SARAF: variants seen among roughly 807,000 people sequenced by gnomAD.
The protein encoded by SARAF is store-operated calcium entry associated regulatory factor.
In SARAF, 23 loss-of-function variants were observed where a neutral mutation model predicts 39.7. The ratio of observed to expected loss-of-function variants is 0.58; its 90% CI spans 0.42 to 0.82. SARAF has a LOEUF of 0.82. Among genes scored for constraint, SARAF ranks in the 40% least tolerant of loss-of-function variants. The pLI is 0.00. For missense variants in SARAF, 384 were observed against 418.5 expected (o/e 0.92, Z 0.72); for synonymous variants, 175 against 168.5 (o/e 1.04, Z -0.30).
chr8:30,066,260 T>C, intron 4 of SARAF, 121 bp from the exon 5 acceptor site: 2 of 1,038,826 alleles, frequency 1.9e-6, no homozygotes, highest in Non-Finnish European at 2.8e-6. Flanking sequence ...CTGAATGTTC[T>C]GGTATATCAG....
intron 3 of SARAF, among the ~76,000 whole-genome samples, chr8:30,069,367 C>A (rs1489277853): frequency 6.6e-6 from 1 of 151,854 alleles, no homozygotes; most frequent in Non-Finnish European, 1.5e-5. Flanking sequence ...CTCAAACTCC[C>A]AACCTCAAGT....
rs1585430039 is a variant in SARAF, at chr8:30,063,644, A to T, written c.*244T>A. 2 of 541,836 alleles carry T rather than the reference A, an allele frequency of 3.7e-6. No homozygotes were observed. Among genetic ancestry groups the T allele is most frequent in the Non-Finnish European group, 6.5e-6 (2 of 307,112 alleles). 33.6% of individuals were successfully genotyped at this position (541,836 alleles called of 1,614,324 possible). ...GTATTTTTAGCATTCCACAGTAATGATCACTTTCAAAAACTGCAATATACA... is the reference window on the plus strand; with the variant it reads ...GTATTTTTAGCATTCCACAGTAATGTTCACTTTCAAAAACTGCAATATACA... On this transcript the variant is annotated 3_prime_UTR_variant, in exon 6 of 6. Transcript: ENST00000256255.
chr8:30,074,536 T>C (rs1041493656), intron 1 of SARAF, among the ~76,000 whole-genome samples: 2 of 152,188 alleles, frequency 1.3e-5, no homozygotes, highest in South Asian at 2.1e-4. Flanking sequence ...ACTAGATAGA[T>C]GGCAAAAACA....
At position 30,066,008 on chromosome 8, in the gene SARAF, G is replaced by A. The variant is rs781161430; in HGVS notation, c.974C>T (p.Thr325Met). 22 of 1,613,908 alleles carry A rather than the reference G, an allele frequency of 1.4e-5. No individual in the cohort carries two copies. Among genetic ancestry groups the A allele is most frequent in the East Asian group, 2.2e-5 (1 of 44,872 alleles). ...GSYSVCSNSD[T>M]KTRTASGYGG... is the part of the protein sequence containing the mutation. Reference sequence around the variant, plus strand: ...CTTACCTGATGCAGTTCTGGTTTTCGTGTCTGAGTTTGAACATACCGAATA... The same window carrying A: ...CTTACCTGATGCAGTTCTGGTTTTCATGTCTGAGTTTGAACATACCGAATA... The change falls in exon 5 of 6, where the codon ACG becomes ATG. Residue 325 changes from threonine to methionine, a missense_variant. By Grantham distance (81) the Thr-to-Met change is moderately conservative. Transcript: ENST00000256255.
intron 2 of SARAF, among the ~76,000 whole-genome samples, chr8:30,071,403 C>T (rs781121704): frequency 6.6e-6 from 1 of 152,110 alleles, no homozygotes; most frequent in Non-Finnish European, 1.5e-5. Context: ...GTTCTGTTGC[C>T]CTTCTGCAAA....
At position 30,063,902 on chromosome 8, in the gene SARAF, T is replaced by C; in HGVS notation, c.1006A>G (p.Thr336Ala). The change falls in exon 6 of 6, where the codon ACC (threonine) becomes GCC (alanine). Residue 336 changes from threonine to alanine, a missense_variant. Thr to Ala is a moderately conservative substitution (Grantham distance 58, BLOSUM62 0). Transcript: ENST00000256255. The stretch of plus-strand genomic sequence containing the variant: ...AACTTTCTACTTTATCGTCTCCTGG[T>C]ACCACCATATCCTAGAATGAGAGGG... ...KTRTASGYGG[T>A]RRR 1.2e-6 allele frequency: 2 copies of C among 1,612,810 alleles called. No homozygotes were observed. The highest frequency in any genetic ancestry group is 1.7e-6 in the Non-Finnish European group (2 of 1,179,328).
intron 5 of SARAF, 78 bp from the exon 6 acceptor site, chr8:30,063,991 G>A: frequency 7.8e-7 from 1 of 1,276,844 alleles, no homozygotes; most frequent in South Asian, 1.3e-5. Context: ...AGTCATACAT[G>A]TTTATTGTCA....
Position 30,082,645 on chromosome 8 carries a change from C to T in SARAF, c.103+202G>A, listed in dbSNP as rs975029272. On this transcript the variant is annotated intron_variant, in intron 1 of 5. Transcript: ENST00000256255. ...CTCCAGCCGTCCCGCCCCGCCCACTCGAGCAGTCCCTACCCGCCTCCCAAG... is the reference window on the plus strand; with the variant it reads ...CTCCAGCCGTCCCGCCCCGCCCACTTGAGCAGTCCCTACCCGCCTCCCAAG... The T allele has an allele frequency of 4.9e-5, 23 of 469,044 alleles. 1 individual carries two copies. The highest frequency in any genetic ancestry group is 7.6e-5 in the Non-Finnish European group (20 of 262,460). 29.1% of individuals were successfully genotyped at this position (469,044 alleles called of 1,614,324 possible).
chr8:30,065,901 G>T, intron 5 of SARAF, 87 bp downstream of exon 5: 1 of 1,486,218 alleles, frequency 6.7e-7, no homozygotes, highest in Non-Finnish European at 9.3e-7. Flanking sequence ...AACCATGGTT[G>T]CTAAACAGAT....
At position 30,066,098 on chromosome 8, in the gene SARAF, T is replaced by C. The variant is rs144739057; in HGVS notation, c.884A>G (p.Tyr295Cys). ...PFSDSWYYPS[Y>C]PPSYPGTWNR... ...CCACGTGCCAGGGTAGGAGGGAGGA[T>C]AGGACGGGTAGTACCACGAGTCTGA... is the stretch of plus-strand genomic sequence containing the variant. The change falls in exon 5 of 6, where the codon TAT becomes TGT. Residue 295 changes from tyrosine to cysteine, a missense_variant. By Grantham distance (194) the Tyr-to-Cys change is radical (BLOSUM62 -2). Coordinates refer to ENST00000256255, the MANE Select transcript of SARAF (RefSeq NM_016127.6). The C allele has an allele frequency of 4.2e-5, 67 of 1,613,962 alleles. No individual in the cohort carries two copies. The highest frequency in any genetic ancestry group is 5.6e-5 in the Non-Finnish European group (66 of 1,180,024).
chr8:30,080,244 A>G (rs1802067353), intron 1 of SARAF, among the ~76,000 whole-genome samples: 1 of 152,166 alleles, frequency 6.6e-6, no homozygotes, highest in South Asian at 2.1e-4. Context: ...TACAATATTA[A>G]AATAGATAGC....
chr8:30,080,712 T>C (rs1802077896), intron 1 of SARAF, among the ~76,000 whole-genome samples: 1 of 152,236 alleles, frequency 6.6e-6, no homozygotes, highest in Admixed American at 6.5e-5. Context: ...AATTTTTTTT[T>C]CCAGACAAAT....
intron 1 of SARAF, among the ~76,000 whole-genome samples, chr8:30,077,228 AG>A (rs1173888892): frequency 1.1e-4 from 16 of 147,954 alleles, no homozygotes; most frequent in South Asian, 6.5e-4. Context: ...GGCCAAGGCA[AG>A]CAGATCACTT....
intron 4 of SARAF, 100 bp from the exon 5 acceptor site, chr8:30,066,239 A>G (rs1046657589): frequency 8.0e-7 from 1 of 1,248,824 alleles, no homozygotes; most frequent in African/African-American, 1.5e-5. Context: ...ATCTTTATCA[A>G]GTATTTTTTC....
intron 2 of SARAF, among the ~76,000 whole-genome samples, chr8:30,070,579 G>A (rs74913916): frequency 0.022 from 3,404 of 152,244 alleles, 80 homozygotes; most frequent in African/African-American, 0.057. Context: ...TGGATATTGC[G>A]TATATGAGTA....
intron 1 of SARAF, among the ~76,000 whole-genome samples, chr8:30,081,374 C>T (rs1279627437): frequency 6.6e-6 from 1 of 152,122 alleles, no homozygotes; most frequent in African/African-American, 2.4e-5. Flanking sequence ...AATTTATTTA[C>T]GAACTGATTC....
Position 30,069,715 on chromosome 8 carries a change from TGGA to T in SARAF, c.624_626del (p.Pro209del). 1 of 1,613,878 alleles carries T rather than the reference TGGA, an allele frequency of 6.2e-7. No individual in the cohort carries two copies. Among genetic ancestry groups the T allele is most frequent in the Non-Finnish European group, 8.5e-7 (1 of 1,179,970 alleles). ...TGAATCTCTGGTAACGGTGGGAAAA[TGGA>T]GGATACTCAGAGTACGGTGGAGGAG... On this transcript the variant is annotated inframe_deletion, in exon 3 of 6. Transcript: ENST00000256255.
chr8:30,065,763 C>T, intron 5 of SARAF: 1 of 516,392 alleles, frequency 1.9e-6, no homozygotes, highest in Non-Finnish European at 3.5e-6. Context: ...CAGTAAGGTT[C>T]AAGTTAAAAC....
intron 5 of SARAF, among the ~76,000 whole-genome samples, chr8:30,064,898 C>CT (rs989442405): frequency 2.3e-4 from 35 of 151,864 alleles, no homozygotes; most frequent in African/African-American, 8.2e-4. Flanking sequence ...CTCCCAACTC[C>CT]TTTTTTTCTT....
Sources: allele counts gnomAD v4.1 joint callset (sites outside exome capture counted in the v4.1 genomes callset), GRCh38; gene constraint gnomAD v4.1.1; transcripts MANE v1.5; gene names NCBI Gene and HGNC (gene_info 2026-07-23, HGNC 2026-07-21).